Variants in PLCE1 observed in about 807,000 individuals in gnomAD.
The protein encoded by PLCE1 is phospholipase C epsilon 1, also known as 1-phosphatidylinositol 4,5-bisphosphate phosphodiesterase epsilon-1.
A neutral mutation model predicts 242.8 loss-of-function variants in PLCE1; 119 were observed. The observed-to-expected ratio is 0.49, with a 90% CI of 0.42 to 0.57. The LOEUF (loss-of-function observed/expected upper bound fraction) is 0.57, where lower values mean the gene tolerates loss of function less well. Among genes scored for constraint, PLCE1 ranks in the 20% least tolerant of loss-of-function variants. The pLI, the probability that PLCE1 is intolerant of heterozygous loss-of-function variation, is 0.00. For synonymous variants in PLCE1, 945 were observed against 1,017.4 expected (o/e 0.93, Z 1.35); for missense variants, 2,441 against 2,788.8 (o/e 0.88, Z 2.81).
At chr10:94,113,979 A>C (rs1239403781) in intron 2 of PLCE1, among the ~76,000 whole-genome samples, 1 of 152,198 alleles carries the variant, frequency 6.6e-6, no homozygotes, top group Non-Finnish European at 1.5e-5. Flanking sequence ...AAATGCACAG[A>C]TACATGCATG....
chr10:94,256,777 G>A (rs1487328629), intron 11 of PLCE1, among the ~76,000 whole-genome samples: 1 of 152,196 alleles, frequency 6.6e-6, no homozygotes, highest in Non-Finnish European at 1.5e-5. Flanking sequence ...CAGGAGGACA[G>A]GGATCAGCAC....
At chr10:94,317,957 TAGAA>T (rs61449413) in intron 29 of PLCE1, among the ~76,000 whole-genome samples, 330 of 152,326 alleles carry the variant, frequency 2.2e-3, no homozygotes, top group African/African-American at 7.6e-3. Context: ...GCTTGCCTGA[TAGAA>T]GGTGCCTCAG....
rs894607436 is a variant in PLCE1, at chr10:94,331,925, G to A, written c.*3982G>A. 1.4e-5 allele frequency: 2 copies of A among 147,736 alleles called. No individual in the cohort carries two copies. The allele number at this position is 147,736 out of a possible 1,614,324, so 9.2% of individuals were successfully genotyped here. The stretch of plus-strand genomic sequence containing the variant: ...CTCACTCTGTTGCCCAGCCTGGAGT[G>A]CAGTGGTACGATCTCGACTCACCAC... On this transcript the variant is annotated 3_prime_UTR_variant, in exon 33 of 33. Coordinates refer to ENST00000371380, the MANE Select transcript of PLCE1 (RefSeq NM_016341.4).
chr10:94,159,654 C>G (rs532955446), intron 3 of PLCE1, among the ~76,000 whole-genome samples: 1 of 152,234 alleles, frequency 6.6e-6, no homozygotes, highest in African/African-American at 2.4e-5. Context: ...TTTTAGGGTA[C>G]ATGTGCACAA....
chr10:94,063,413 A>G (rs1241654602), intron 2 of PLCE1, among the ~76,000 whole-genome samples: 1 of 152,032 alleles, frequency 6.6e-6, no homozygotes, highest in Admixed American at 6.6e-5. Flanking sequence ...TCTCGTTTCC[A>G]CCATCCTAGA....
At chr10:94,067,838 C>G (rs1050765385) in intron 2 of PLCE1, among the ~76,000 whole-genome samples, 4 of 152,180 alleles carry the variant, frequency 2.6e-5, no homozygotes, top group Non-Finnish European at 5.9e-5. Context: ...ATAAGGGAGA[C>G]TGGTACAGTG....
chr10:94,270,676 G>A (rs1367460464), intron 18 of PLCE1, 74 bp downstream of exon 18: 1 of 977,484 alleles, frequency 1.0e-6, no homozygotes, highest in Non-Finnish European at 1.7e-6. Flanking sequence ...GTTTTGTTTT[G>A]TTTTGTTTTT....
Position 94,089,268 on chromosome 10 carries a change from C to T in PLCE1, c.1207-42906C>T, listed in dbSNP as rs763224076. The T allele has an allele frequency of 2.4e-5, 39 of 1,613,888 alleles. No homozygotes were observed. In the South Asian group the frequency reaches 4.3e-4, roughly 18 times the overall value. ...AAGCAGGCTGTCAGCTGTGGCTTTG[C>T]ACGCTCTCAGCTGTCTTGAAGGTTG... On this transcript the variant is annotated intron_variant, in intron 2 of 32. Transcript: ENST00000371380.
chr10:94,162,215 A>C (rs2047640807), intron 3 of PLCE1, among the ~76,000 whole-genome samples: 1 of 152,210 alleles, frequency 6.6e-6, no homozygotes, highest in Admixed American at 6.5e-5. Context: ...TGATTGGAAT[A>C]GTTTCAGAAG....
In PLCE1 at chr10:94,171,508, C is replaced by CT. The variant is rs757967591; in HGVS notation, c.1809+17dup. The CT allele has an allele frequency of 1.2e-6, 2 of 1,604,972 alleles. No individual in the cohort carries two copies. Among genetic ancestry groups the CT allele is most frequent in the Admixed American group, 3.3e-5 (2 of 59,992 alleles). ...TGAGGTTTAATGAGGTAAGAAGCCA[C>CT]TTTTTGATGTCTTGGTATTTGACTC... is the stretch of plus-strand genomic sequence containing the variant. On this transcript the variant is annotated intron_variant, in intron 4 of 32. Coordinates refer to ENST00000371380, the MANE Select transcript of PLCE1 (RefSeq NM_016341.4).
intron 2 of PLCE1, among the ~76,000 whole-genome samples, chr10:94,045,383 G>A (rs1014711523): frequency 2.6e-5 from 4 of 152,182 alleles, no homozygotes; most frequent in Middle Eastern, 3.4e-3. Context: ...TGATCTTTCC[G>A]CCTTGACCTC....
chr10:94,082,286 TTA>T (rs1329373174), intron 2 of PLCE1: 1 of 152,200 alleles, frequency 6.6e-6, no homozygotes, highest in Non-Finnish European at 1.5e-5. Flanking sequence ...AATTATTGCC[TTA>T]GTGTCATTGG....
chr10:94,217,659 G>A (rs1306752116), intron 4 of PLCE1, among the ~76,000 whole-genome samples: 1 of 152,144 alleles, frequency 6.6e-6, no homozygotes, highest in African/African-American at 2.4e-5. Flanking sequence ...ACTAGACATG[G>A]TATTTGCAAA....
At chr10:94,307,897 G>A (rs2053259025) in intron 26 of PLCE1, among the ~76,000 whole-genome samples, 1 of 152,170 alleles carries the variant, frequency 6.6e-6, no homozygotes, top group Non-Finnish European at 1.5e-5. Context: ...AAAGTACATA[G>A]AAACAAAAAC....
At chr10:94,297,245 T>C (rs2052860014) in intron 23 of PLCE1, among the ~76,000 whole-genome samples, 3 of 152,036 alleles carry the variant, frequency 2.0e-5, no homozygotes, top group African/African-American at 2.4e-5. Flanking sequence ...GGGTTATTAA[T>C]TGGCCTCATG....
chr10:94,008,331 T>C (rs1454132308), intron 1 of PLCE1, among the ~76,000 whole-genome samples: 1 of 152,134 alleles, frequency 6.6e-6, no homozygotes, highest in African/African-American at 2.4e-5. Context: ...GTTTTTGAGA[T>C]GGAGTTTTGC....
At chr10:94,129,241 A>G (rs139408887) in intron 2 of PLCE1, among the ~76,000 whole-genome samples, 2 of 152,384 alleles carry the variant, frequency 1.3e-5, no homozygotes, top group African/African-American at 2.4e-5. Context: ...GGGCAAAGAA[A>G]TGGGAATAAG....
intron 5 of PLCE1, among the ~76,000 whole-genome samples, chr10:94,227,814 G>A (rs1173448421): frequency 6.6e-6 from 1 of 152,200 alleles, no homozygotes; most frequent in Non-Finnish European, 1.5e-5. Context: ...CTTATGTAGT[G>A]TTCCAGGGCT....
At chr10:94,297,886 T>C (rs2052898365) in intron 23 of PLCE1, among the ~76,000 whole-genome samples, 1 of 151,990 alleles carries the variant, frequency 6.6e-6, no homozygotes, top group Non-Finnish European at 1.5e-5. Context: ...TGAAAAACAA[T>C]GCTGGAGTGA....
Sources: allele counts gnomAD v4.1 joint callset (sites outside exome capture counted in the v4.1 genomes callset), GRCh38; gene constraint gnomAD v4.1.1; transcripts MANE v1.5; gene names NCBI Gene and HGNC (gene_info 2026-07-23, HGNC 2026-07-21).